The following NRG2 variants were observed in gnomAD, a reference collection of about 807,000 sequenced individuals.
The protein encoded by NRG2 is pro-neuregulin-2, membrane-bound isoform.
In NRG2, 27 loss-of-function variants were observed where a neutral mutation model predicts 73.9. The observed-to-expected ratio is 0.37, with a 90% CI of 0.27 to 0.50. The LOEUF (loss-of-function observed/expected upper bound fraction) is 0.50. Among genes scored for constraint, NRG2 ranks in the 20% least tolerant of loss-of-function variants. The pLI, the probability that NRG2 is intolerant of heterozygous loss-of-function variation, is 0.96. For missense variants in NRG2, 1,126 were observed against 1,210.1 expected, an observed-to-expected ratio of 0.93 and a Z score of 1.03; for synonymous variants, 532 against 541.0, an observed-to-expected ratio of 0.98 and a Z score of 0.23.
intron 1 of NRG2, among the ~76,000 whole-genome samples, chr5:140,017,050 C>T (rs1367992210): frequency 1.3e-5 from 2 of 152,028 alleles, no homozygotes; most frequent in Non-Finnish European, 2.9e-5. Flanking sequence ...AGAATGAACT[C>T]CAAGAGCCAC....
intron 1 of NRG2, among the ~76,000 whole-genome samples, chr5:139,923,820 TG>T (rs1471686609): frequency 6.6e-6 from 1 of 152,164 alleles, no homozygotes; most frequent in East Asian, 1.9e-4. Context: ...CTGTCATACT[TG>T]GGACCTCTAG....
intron 1 of NRG2, among the ~76,000 whole-genome samples, chr5:139,974,828 T>C (rs964789077): frequency 2.0e-5 from 3 of 152,158 alleles, no homozygotes; most frequent in Non-Finnish European, 4.4e-5. Context: ...GCTCCTACCT[T>C]TAGGGGGCCT....
chr5:139,916,503 T>C (rs2127208455), intron 1 of NRG2, among the ~76,000 whole-genome samples: 1 of 152,262 alleles, frequency 6.6e-6, no homozygotes, highest in South Asian at 2.1e-4. Flanking sequence ...TTTTGGAACA[T>C]TTTCATCATC....
intron 1 of NRG2, among the ~76,000 whole-genome samples, chr5:139,955,898 T>C (rs1181898233): frequency 1.3e-5 from 2 of 152,278 alleles, no homozygotes; most frequent in South Asian, 2.1e-4. Flanking sequence ...GATAAGCCAC[T>C]GAAACGTCCT....
At chr5:139,863,563 G>A (rs891307988) in intron 5 of NRG2, among the ~76,000 whole-genome samples, 3 of 152,224 alleles carry the variant, frequency 2.0e-5, no homozygotes, top group African/African-American at 7.2e-5. Context: ...ATTCAGGACA[G>A]GCTGGGACTC....
chr5:139,854,557 A>C (rs1329842359), intron 6 of NRG2, among the ~76,000 whole-genome samples: 2 of 152,160 alleles, frequency 1.3e-5, no homozygotes, highest in Admixed American at 6.5e-5. Context: ...TCTTGGGCCC[A>C]GTCTCCTCTG....
At position 139,990,067 on chromosome 5, in the gene NRG2, C is replaced by T. The variant is rs987870803; in HGVS notation, c.700+52303G>A. Among the ~76,000 whole-genome samples, 23 of 151,872 alleles carry T rather than the reference C, an allele frequency of 1.5e-4. No homozygotes were observed. In the South Asian group the frequency reaches 3.5e-3, roughly 23 times the overall value. On this transcript the variant is annotated intron_variant, in intron 1 of 9. Coordinates refer to ENST00000361474, the MANE Select transcript of NRG2 (RefSeq NM_004883.3). ...CCTCCCAAAGTGCTGGGATTACAGG[C>T]GTGAGCCACTGTGCCTGGCCTTATT...
chr5:139,848,758 G>GGT, intron 9 of NRG2, 61 bp from the exon 10 acceptor site: 5 of 718,188 alleles, frequency 7.0e-6, no homozygotes, highest in Admixed American at 4.6e-5. Context: ...GGGAGGGGGG[G>GGT]TTGGGGGTGG....
At position 140,015,565 on chromosome 5, in the gene NRG2, G is replaced by A. The variant is rs149332590; in HGVS notation, c.700+26805C>T. Among the ~76,000 whole-genome samples, 529 of 152,310 alleles carry A rather than the reference G, an allele frequency of 3.5e-3. 2 individuals are homozygous for A. Among genetic ancestry groups the A allele is most frequent in the Admixed American group, 5.8e-3 (88 of 15,288 alleles). ...AAAAAACCTGAAAATGAATGAGGTA[G>A]GACTGGATCTGTGCGGTACCAGCAT... On this transcript the variant is annotated intron_variant, in intron 1 of 9. Transcript: ENST00000361474.
chr5:140,020,575 C>A (rs1349990813), intron 1 of NRG2, among the ~76,000 whole-genome samples: 1 of 152,188 alleles, frequency 6.6e-6, no homozygotes, highest in African/African-American at 2.4e-5. Flanking sequence ...CACATATGTT[C>A]AAGCTAACCT....
intron 1 of NRG2, among the ~76,000 whole-genome samples, chr5:140,025,162 C>CCTCTTCCTCAA (rs1760588875): frequency 6.6e-6 from 1 of 152,198 alleles, no homozygotes; most frequent in Admixed American, 6.5e-5. Flanking sequence ...ACACACATAG[C>CCTCTTCCTCAA]CCAACACTCC....
chr5:139,972,652 A>T (rs1029191821), intron 1 of NRG2, among the ~76,000 whole-genome samples: 7 of 152,226 alleles, frequency 4.6e-5, no homozygotes, highest in Non-Finnish European at 8.8e-5. Flanking sequence ...CGAACCCAGG[A>T]GGCAGAGGTC....
In NRG2 at chr5:140,042,801, G is replaced by A; in HGVS notation, c.269C>T (p.Ala90Val). ...GGCCGGGTCGCGCCTCATGCCGCCG[G>A]CGGCTGCGGCTCGCGAACGGGCGGC... Reference protein sequence around the residue: ...RAAARSRAAAAGGMRRDPAPG... With the variant: ...RAAARSRAAAVGGMRRDPAPG... Residue 90 changes from alanine to valine, a missense_variant, in exon 1 of 10, where the codon GCC becomes GTC. Physicochemically the swap from Ala to Val is moderately conservative, Grantham distance 64. Around this residue, in one of 3 missense-constraint regions of NRG2, gnomAD observed 185 missense variants for 149.0 expected, o/e 1.24. Transcript: ENST00000361474. The A allele has an allele frequency of 6.7e-7, 1 of 1,503,048 alleles. No individual in the cohort carries two copies. The highest frequency in any genetic ancestry group is 8.9e-7 in the Non-Finnish European group (1 of 1,128,330). The allele number at this position is 1,503,048 out of a possible 1,614,324, so 93.1% of individuals were successfully genotyped here.
chr5:139,880,875 G>A lies in NRG2; in HGVS notation c.972C>T (p.Gly324=). Reference sequence around the variant, plus strand: ...ACCTACCGCTGTTGACGTAAAGCCGGCCCCGGACGGTGTCCTTCCCCAGGA... The same window carrying A: ...ACCTACCGCTGTTGACGTAAAGCCGACCCCGGACGGTGTCCTTCCCCAGGA... ...ENILGKDTVR[G]RLYVNSVSTT... is the part of the protein sequence containing the mutation. Residue 324 remains glycine (G), a synonymous_variant, in exon 3 of 10, where the codon GGC becomes GGT. Coordinates refer to ENST00000361474, the MANE Select transcript of NRG2 (RefSeq NM_004883.3). The A allele has an allele frequency of 6.2e-7, 1 of 1,614,040 alleles. No homozygotes were observed.
chr5:139,953,820 C>A (rs1754415483), intron 1 of NRG2, among the ~76,000 whole-genome samples: 1 of 152,144 alleles, frequency 6.6e-6, no homozygotes, highest in Non-Finnish European at 1.5e-5. Flanking sequence ...ACCAGAAGCA[C>A]CTCAGAGCTC....
In NRG2 at chr5:139,847,888, G is replaced by C. The variant is rs1199887752; in HGVS notation, c.*29C>G. On this transcript the variant is annotated 3_prime_UTR_variant, in exon 10 of 10. Coordinates refer to ENST00000361474, the MANE Select transcript of NRG2 (RefSeq NM_004883.3). ...TGGTCTCCTTAAAGATAGTGGGGCG[G>C]GCGGGGCGGAGGGGCGCGCGGCGGG... 5.8e-6 allele frequency: 8 copies of C among 1,375,704 alleles called. No individual in the cohort carries two copies. The highest frequency in any genetic ancestry group is 7.5e-6 in the Non-Finnish European group (8 of 1,066,942). The allele number at this position is 1,375,704 out of a possible 1,614,324, so 85.2% of individuals were successfully genotyped here.
chr5:140,042,722 G>A lies in NRG2; in HGVS notation c.348C>T (p.Ser116=). The part of the protein sequence containing the change: ...FGVSLACYSP[S]LKSVQDQAYK... ...ACGCCTGGTCCTGCACTGACTTGAG[G>A]CTGGGCGAGTAGCAGGCGAGCGACA... The change falls in exon 1 of 10, where the codon AGC becomes AGT. Residue 116 remains serine, a synonymous_variant. Coordinates refer to ENST00000361474, the MANE Select transcript of NRG2 (RefSeq NM_004883.3). 6.4e-7 allele frequency: 1 copy of A among 1,569,854 alleles called. No individual in the cohort carries two copies. Among genetic ancestry groups the A allele is most frequent in the Non-Finnish European group, 8.6e-7 (1 of 1,158,234 alleles).
At chr5:139,899,395 C>A (rs1261211303) in intron 1 of NRG2, among the ~76,000 whole-genome samples, 1 of 152,264 alleles carries the variant, frequency 6.6e-6, no homozygotes, top group Non-Finnish European at 1.5e-5. Flanking sequence ...TGCTTTAAAT[C>A]AGGTTCCCAA....
Position 140,042,439 on chromosome 5 carries a change from A to C in NRG2, c.631T>G (p.Phe211Val). Residue 211 changes from phenylalanine (F) to valine (V), a missense_variant, in exon 1 of 10, where the codon TTT becomes GTT. Phe to Val is a conservative substitution (Grantham distance 50). Around this residue, in one of 3 missense-constraint regions of NRG2, gnomAD observed 539 missense variants for 703.2 expected, o/e 0.77. Coordinates refer to ENST00000361474, the MANE Select transcript of NRG2 (RefSeq NM_004883.3). ...TEQPLVFKTA[F>V]APLDTNGKNL... ...TTGCCGTTGGTATCGAGGGGGGCAA[A>C]GGCCGTCTTAAAGACTAAGGGCTGT... 1.2e-6 allele frequency: 2 copies of C among 1,610,844 alleles called. No individual in the cohort carries two copies. The highest frequency in any genetic ancestry group is 1.7e-6 in the Non-Finnish European group (2 of 1,178,666).
Sources: allele counts gnomAD v4.1 joint callset (sites outside exome capture counted in the v4.1 genomes callset), GRCh38; gene constraint gnomAD v4.1.1; regional missense constraint gnomAD v4.1.1; transcripts MANE v1.5; gene names NCBI Gene and HGNC (gene_info 2026-07-23, HGNC 2026-07-21).